SERPINC1: variants seen among roughly 807,000 people sequenced by gnomAD.
SERPINC1 encodes serpin family C member 1.
SERPINC1 carries 12 observed loss-of-function variants against 43.4 expected under a neutral mutation model. That is an observed-to-expected ratio of 0.28 (90% CI 0.18 to 0.45). SERPINC1 has a LOEUF of 0.45. SERPINC1 is among the 20% of genes least tolerant of loss of function. The probability of loss-of-function intolerance (pLI) is 1.00; values close to 1 mark genes in which losing one functional copy is unlikely to be tolerated. For missense variants in SERPINC1, 423 were observed against 578.8 expected, an observed-to-expected ratio of 0.73 and a Z score of 2.76; for synonymous variants, 210 against 218.9, an observed-to-expected ratio of 0.96 and a Z score of 0.36.
At chr1:173,907,358 G>T in intron 6 of SERPINC1, 92 bp downstream of exon 6, 1 of 997,074 alleles carries the variant, frequency 1.0e-6, no homozygotes, top group East Asian at 2.4e-5. Context: ...CCTTTTGCAT[G>T]CCTTAACACT....
intron 6 of SERPINC1, 113 bp from the exon 7 acceptor site, chr1:173,904,178 A>G (rs551126042): frequency 2.9e-6 from 3 of 1,034,574 alleles, no homozygotes; most frequent in East Asian, 2.5e-5. Flanking sequence ...TCCAGTAAAA[A>G]GTACATTTGG....
intron 1 of SERPINC1, among the ~76,000 whole-genome samples, chr1:173,916,927 G>A (rs1363869498): frequency 1.3e-5 from 2 of 152,150 alleles, no homozygotes; most frequent in African/African-American, 4.8e-5. Context: ...CCCTTGGAGC[G>A]TCCCCTGGAT....
chr1:173,907,032 C>T (rs1297684929), intron 6 of SERPINC1, among the ~76,000 whole-genome samples: 2 of 151,982 alleles, frequency 1.3e-5, no homozygotes, highest in African/African-American at 2.4e-5. Context: ...GCAGGAGAAT[C>T]GCTTGAACGC....
At chr1:173,914,988 G>GC in intron 1 of SERPINC1, 69 bp from the exon 2 acceptor site, 1 of 1,572,850 alleles carries the variant, frequency 6.4e-7, no homozygotes, top group Non-Finnish European at 8.6e-7. Flanking sequence ...CCACAGGGTT[G>GC]CCCCAGTAAA....
intron 2 of SERPINC1, among the ~76,000 whole-genome samples, chr1:173,912,605 T>C (rs968638100): frequency 6.6e-6 from 1 of 152,182 alleles, no homozygotes; most frequent in African/African-American, 2.4e-5. Context: ...CTTTCCATGC[T>C]CTCTCCTCAG....
chr1:173,911,806 T>G lies in SERPINC1; in HGVS notation c.617A>C (p.Asp206Ala). 1 of 1,613,752 alleles carries G rather than the reference T, an allele frequency of 6.2e-7. No homozygotes were observed. Among genetic ancestry groups the G allele is most frequent in the East Asian group, 2.2e-5 (1 of 44,882 alleles). ...GTAACATCTGCAACTCACCTTGAAG[T>G]CCAGGGGCTGGAGCTTGGCTCCATA... The part of the protein sequence containing the change: ...LVYGAKLQPL[D>A]FKENAEQSRA... The change falls in exon 3 of 7, where the codon GAC (aspartate) becomes GCC (alanine). Residue 206 changes from aspartate to alanine, a missense_variant. Asp to Ala is a moderately radical substitution (Grantham distance 126). Transcript: ENST00000367698.
chr1:173,912,292 C>A (rs1657802417), intron 2 of SERPINC1, among the ~76,000 whole-genome samples: 1 of 152,192 alleles, frequency 6.6e-6, no homozygotes, highest in Non-Finnish European at 1.5e-5. Flanking sequence ...CGTTTTCTTG[C>A]TGGAATGGGA....
At chr1:173,905,619 G>C (rs1292964348) in intron 6 of SERPINC1, among the ~76,000 whole-genome samples, 1 of 152,070 alleles carries the variant, frequency 6.6e-6, no homozygotes, top group Non-Finnish European at 1.5e-5. Flanking sequence ...TACTTGGGAG[G>C]CTGAGGCGAG....
intron 6 of SERPINC1, among the ~76,000 whole-genome samples, chr1:173,906,422 T>C (rs1469884018): frequency 1.3e-5 from 2 of 152,228 alleles, no homozygotes; most frequent in Non-Finnish European, 2.9e-5. Flanking sequence ...GTGTGTACTG[T>C]TCATCTCCCA....
intron 6 of SERPINC1, 57 bp downstream of exon 6, chr1:173,907,393 C>T (rs1257585933): frequency 1.5e-6 from 2 of 1,360,634 alleles, no homozygotes; most frequent in African/African-American, 1.4e-5. Flanking sequence ...TCCACGTGTT[C>T]CTGCTGTTCA....
intron 1 of SERPINC1, chr1:173,915,220 G>T (rs1657937506): frequency 1.6e-6 from 2 of 1,276,664 alleles, no homozygotes; most frequent in South Asian, 1.7e-5. Context: ...CTTCCTGTTT[G>T]TGACATGGAA....
At chr1:173,914,501 G>A in intron 2 of SERPINC1, 52 bp downstream of exon 2, 1 of 1,611,154 alleles carries the variant, frequency 6.2e-7, no homozygotes, top group Non-Finnish European at 8.5e-7. Flanking sequence ...GCCTATGGAA[G>A]CCCCAAAGGT....
intron 6 of SERPINC1, among the ~76,000 whole-genome samples, chr1:173,906,860 G>A (rs1261763458): frequency 6.6e-6 from 1 of 152,142 alleles, no homozygotes; most frequent in Non-Finnish European, 1.5e-5. Context: ...GCTCATGCCT[G>A]TAATCCCAGC....
chr1:173,910,006 A>G (rs1045759562), intron 4 of SERPINC1, 64 bp from the exon 5 acceptor site: 2 of 1,483,056 alleles, frequency 1.3e-6, no homozygotes, highest in African/African-American at 2.8e-5. Context: ...GACACAAGAC[A>G]TATCCATATT....
intron 2 of SERPINC1, among the ~76,000 whole-genome samples, chr1:173,912,697 G>A (rs1292962434): frequency 1.3e-5 from 2 of 152,044 alleles, no homozygotes; most frequent in East Asian, 1.9e-4. Flanking sequence ...TTTTTAGGGG[G>A]GGATTATGCT....
At chr1:173,913,854 CAA>C (rs71707849) in intron 2 of SERPINC1, among the ~76,000 whole-genome samples, 147 of 90,202 alleles carry the variant, frequency 1.6e-3, no homozygotes, top group East Asian at 5.5e-3. Flanking sequence ...GACTCCGTCT[CAA>C]AAAAAAAAAA....
chr1:173,907,443 T>C lies in SERPINC1; in HGVS notation c.1218+7A>G, dbSNP rs899914657. ...GTACCCTAAGAGAGTGGGGAAGGTG[T>C]ACTCACCTCAAGAAATGCCTTATGG... On this transcript the variant is annotated splice_region_variant and intron_variant, in intron 6 of 6. Transcript: ENST00000367698. 2.7e-5 allele frequency: 43 copies of C among 1,601,984 alleles called. No individual in the cohort carries two copies. Among genetic ancestry groups the C allele is most frequent in the Non-Finnish European group, 3.7e-5 (43 of 1,169,080 alleles).
At chr1:173,904,122 A>G (rs946285511) in intron 6 of SERPINC1, 57 bp from the exon 7 acceptor site, 4 of 1,541,912 alleles carry the variant, frequency 2.6e-6, no homozygotes, top group Admixed American at 3.3e-5. Flanking sequence ...CATTTTTGGC[A>G]GGTAAATCAT....
chr1:173,916,388 G>A (rs1425489097), intron 1 of SERPINC1, among the ~76,000 whole-genome samples: 2 of 152,206 alleles, frequency 1.3e-5, no homozygotes, highest in East Asian at 1.9e-4. Context: ...GGAAGCTGGG[G>A]CAGCTGAGGG....
Sources: allele counts gnomAD v4.1 joint callset (sites outside exome capture counted in the v4.1 genomes callset), GRCh38; gene constraint gnomAD v4.1.1; transcripts MANE v1.5; gene names NCBI Gene and HGNC (gene_info 2026-07-23, HGNC 2026-07-21).